Variants in IFT88 observed in about 807,000 individuals in gnomAD.
The protein encoded by IFT88 is intraflagellar transport protein 88 homolog.
In IFT88, 74 loss-of-function variants were observed where a neutral mutation model predicts 119.5. The observed-to-expected ratio is 0.62, with a 90% CI of 0.51 to 0.75. IFT88 has a LOEUF of 0.75. Among genes scored for constraint, IFT88 ranks in the 30% least tolerant of loss-of-function variants. IFT88 has a pLI of 0.00. For synonymous variants in IFT88, 279 were observed against 316.7 expected (o/e 0.88, Z 1.26); for missense variants, 961 against 977.7 (o/e 0.98, Z 0.23).
chr13:20,577,144 T>G (rs1271565526), intron 2 of IFT88, among the ~76,000 whole-genome samples: 1 of 152,240 alleles, frequency 6.6e-6, no homozygotes, highest in African/African-American at 2.4e-5. Context: ...GGGATTACTT[T>G]CGTGATTTAT....
intron 1 of IFT88, among the ~76,000 whole-genome samples, chr13:20,568,287 G>A (rs1180446625): frequency 6.6e-6 from 1 of 152,128 alleles, no homozygotes; most frequent in Non-Finnish European, 1.5e-5. Context: ...AGCTGCTTTG[G>A]AAATTGCCTG....
intron 17 of IFT88, among the ~76,000 whole-genome samples, chr13:20,640,609 A>AATAAATAAATAC (rs1163717524): frequency 7.7e-5 from 11 of 143,602 alleles, no homozygotes; most frequent in African/African-American, 2.3e-4. Context: ...TAAATAAATA[A>AATAAATAAATAC]ATACAAATTA....
rs553291165 is a variant in IFT88 at position 20,633,164 on chromosome 13, C to T, written c.1386+2062C>T. Reference sequence around the variant, plus strand: ...CAAGTAGACAGAAGGTGTATTAGTCCGTTCTCACACTGCTATAAAGAAATA... The same window carrying T: ...CAAGTAGACAGAAGGTGTATTAGTCTGTTCTCACACTGCTATAAAGAAATA... On this transcript the variant is annotated intron_variant, in intron 16 of 25. Coordinates refer to ENST00000351808, the MANE Select transcript of IFT88 (RefSeq NM_006531.5). Among the ~76,000 whole-genome samples the T allele has an allele frequency of 4.3e-4, 65 of 152,094 alleles. No homozygotes were observed. The South Asian group carries it at 7.1e-3, about 17-fold the overall frequency.
At chr13:20,618,176 T>G (rs1014365322) in intron 14 of IFT88, among the ~76,000 whole-genome samples, 1 of 152,182 alleles carries the variant, frequency 6.6e-6, no homozygotes, top group Non-Finnish European at 1.5e-5. Flanking sequence ...CGCCTTGGCC[T>G]CCCAAAGCGC....
At chr13:20,605,455 C>T (rs1298846200) in intron 13 of IFT88, among the ~76,000 whole-genome samples, 5 of 152,070 alleles carry the variant, frequency 3.3e-5, no homozygotes, top group Admixed American at 1.3e-4. Flanking sequence ...TCAAAAATGA[C>T]GTCTTTATGT....
chr13:20,641,521 A>C (rs1468505498), intron 18 of IFT88, 123 bp downstream of exon 18: 5 of 561,010 alleles, frequency 8.9e-6, no homozygotes, highest in Non-Finnish European at 1.6e-5. Flanking sequence ...GTAAGTGATG[A>C]GGATAATCTG....
intron 20 of IFT88, among the ~76,000 whole-genome samples, chr13:20,647,934 T>C (rs1417465383): frequency 3.3e-5 from 5 of 152,138 alleles, no homozygotes; most frequent in Admixed American, 3.3e-4. Context: ...AGAGAGAATC[T>C]CGACAGCAAC....
intron 23 of IFT88, among the ~76,000 whole-genome samples, chr13:20,669,043 G>T (rs1334452923): frequency 6.6e-6 from 1 of 152,132 alleles, no homozygotes; most frequent in Non-Finnish European, 1.5e-5. Flanking sequence ...AGTAGGAGAG[G>T]AAAAAGGGAA....
intron 24 of IFT88, among the ~76,000 whole-genome samples, chr13:20,676,278 A>G (rs1173370234): frequency 6.6e-6 from 1 of 152,184 alleles, no homozygotes; most frequent in Non-Finnish European, 1.5e-5. Context: ...AGTTACTTAA[A>G]TCTCTTTGTC....
intron 9 of IFT88, among the ~76,000 whole-genome samples, chr13:20,597,754 A>AATATAT (rs1238744164): frequency 4.8e-4 from 69 of 142,654 alleles, no homozygotes; most frequent in Admixed American, 6.3e-4. Context: ...TCAAAAAAAA[A>AATATAT]ATATATATAT....
At chr13:20,661,811 T>C (rs2053849392) in intron 22 of IFT88, among the ~76,000 whole-genome samples, 1 of 152,076 alleles carries the variant, frequency 6.6e-6, no homozygotes, top group Non-Finnish European at 1.5e-5. Context: ...CTTAGCAGAT[T>C]AGAAGAACTG....
chr13:20,654,652 T>G (rs889457900), intron 21 of IFT88, among the ~76,000 whole-genome samples: 1 of 152,230 alleles, frequency 6.6e-6, no homozygotes, highest in Non-Finnish European at 1.5e-5. Context: ...GGAGGTTTCC[T>G]TCTTTATCTC....
At chr13:20,648,552 C>A (rs915894739) in intron 20 of IFT88, among the ~76,000 whole-genome samples, 1 of 151,294 alleles carries the variant, frequency 6.6e-6, no homozygotes, top group South Asian at 2.1e-4. Flanking sequence ...AACTAAAAAT[C>A]GAAATAGTAC....
At chr13:20,673,404 A>G (rs79467255) in intron 24 of IFT88, among the ~76,000 whole-genome samples, 5 of 152,284 alleles carry the variant, frequency 3.3e-5, no homozygotes, top group African/African-American at 9.6e-5. Flanking sequence ...CCCAGGGGAC[A>G]GTGTCTGGGG....
At position 20,618,251 on chromosome 13, in the gene IFT88, G is replaced by A. The variant is rs1197203233; in HGVS notation, c.1199+2372G>A. On this transcript the variant is annotated intron_variant, in intron 14 of 25. Coordinates refer to ENST00000351808, the MANE Select transcript of IFT88 (RefSeq NM_006531.5). ...AAACTTTTTTATGTAGCACATGATC[G>A]TTGTTCATTGGAATTGCCCTGGTTA... 1.6e-4 allele frequency among the ~76,000 whole-genome samples: 24 copies of A among 152,226 alleles called. No individual in the cohort carries two copies. The South Asian group carries it at 2.5e-3, about 16-fold the overall frequency.
intron 6 of IFT88, 75 bp downstream of exon 6, chr13:20,591,756 C>A: frequency 2.2e-6 from 2 of 929,440 alleles, no homozygotes; most frequent in Non-Finnish European, 3.3e-6. Context: ...ATAAATATTA[C>A]TGTCATTTTA....
At position 20,641,362 on chromosome 13, in the gene IFT88, G is replaced by A. The variant is rs566601705; in HGVS notation, c.1646G>A (p.Arg549Gln). ...DCFLKLHAILRNSAEVLYQIA... is the reference protein window; with the variant it reads ...DCFLKLHAILQNSAEVLYQIA... ...TTCCTGAAACTTCACGCAATCCTAC[G>A]AAACAGTGCCGAAGTTCTTTACCAG... The change falls in exon 18 of 26, where the codon CGA becomes CAA. Residue 549 changes from arginine to glutamine, a missense_variant. Arg to Gln is a conservative substitution (Grantham distance 43). Transcript: ENST00000351808. 2.7e-5 allele frequency: 44 copies of A among 1,611,870 alleles called. No individual in the cohort carries two copies. The highest frequency in any genetic ancestry group is 5.5e-5 in the South Asian group (5 of 90,802).
intron 16 of IFT88, among the ~76,000 whole-genome samples, chr13:20,634,404 G>C (rs2048691342): frequency 1.3e-5 from 2 of 152,056 alleles, no homozygotes; most frequent in South Asian, 4.1e-4. Context: ...ATCAGGTCTG[G>C]ATAGAAATGG....
At chr13:20,567,958 G>T (rs767872180) in intron 1 of IFT88, 4 of 707,376 alleles carry the variant, frequency 5.7e-6, no homozygotes, top group South Asian at 3.0e-5. Context: ...ATCGGAAGAA[G>T]AATTGTCTTG....
Sources: allele counts gnomAD v4.1 joint callset (sites outside exome capture counted in the v4.1 genomes callset), GRCh38; gene constraint gnomAD v4.1.1; transcripts MANE v1.5; gene names NCBI Gene and HGNC (gene_info 2026-07-23, HGNC 2026-07-21).